The following RSRC1 variants were observed in gnomAD, a reference collection of about 807,000 sequenced individuals.
The protein encoded by RSRC1 is arginine and serine rich coiled-coil 1, also known as serine/Arginine-related protein 53.
RSRC1 carries 39 observed loss-of-function variants against 49.1 expected under a neutral mutation model. That is an observed-to-expected ratio of 0.79 (90% CI 0.61 to 1.04). The LOEUF is 1.04. RSRC1 is among the 50% of genes least tolerant of loss of function. RSRC1 has a pLI of 0.00. For missense variants in RSRC1, 388 were observed against 402.4 expected (o/e 0.96, Z 0.31); for synonymous variants, 143 against 130.8 (o/e 1.09, Z -0.63).
intron 3 of RSRC1, among the ~76,000 whole-genome samples, chr3:158,145,925 CTGTT>C (rs1318522685): frequency 2.0e-5 from 3 of 152,068 alleles, no homozygotes; most frequent in Admixed American, 6.6e-5. Context: ...ATGTGGCTCT[CTGTT>C]TGTCTGTTAT....
At chr3:158,144,137 T>A (rs138620156) in intron 3 of RSRC1, among the ~76,000 whole-genome samples, 2,237 of 152,338 alleles carry the variant, frequency 0.015, 23 homozygotes, top group Middle Eastern at 0.024. Flanking sequence ...AAATTTTTTT[T>A]AAATTATTTT....
At chr3:158,282,623 G>A (rs905447220) in intron 4 of RSRC1, among the ~76,000 whole-genome samples, 7 of 152,174 alleles carry the variant, frequency 4.6e-5, no homozygotes, top group Admixed American at 2.0e-4. Context: ...CCCATTAAAT[G>A]TCAGGAAGGA....
chr3:158,404,168 C>T (rs1434470664), intron 6 of RSRC1, among the ~76,000 whole-genome samples: 1 of 151,786 alleles, frequency 6.6e-6, no homozygotes, highest in Non-Finnish European at 1.5e-5. Context: ...GTCAGAATTT[C>T]ATATTTGTTG....
At chr3:158,130,265 C>G (rs1715927188) in intron 3 of RSRC1, among the ~76,000 whole-genome samples, 1 of 152,190 alleles carries the variant, frequency 6.6e-6, no homozygotes, top group Admixed American at 6.5e-5. Flanking sequence ...CCACCAGACC[C>G]ATCTTCAGAT....
At chr3:158,157,486 C>G (rs1717946516) in intron 3 of RSRC1, among the ~76,000 whole-genome samples, 1 of 152,118 alleles carries the variant, frequency 6.6e-6, no homozygotes, top group Non-Finnish European at 1.5e-5. Flanking sequence ...AGTTAAATGT[C>G]TTTGGTGTTG....
chr3:158,428,018 T>A (rs1735558123), intron 6 of RSRC1, among the ~76,000 whole-genome samples: 1 of 151,860 alleles, frequency 6.6e-6, no homozygotes, highest in Non-Finnish European at 1.5e-5. Flanking sequence ...CTGCTATATT[T>A]CTGTCTATGA....
intron 7 of RSRC1, among the ~76,000 whole-genome samples, chr3:158,508,720 A>G (rs1352909034): frequency 6.6e-6 from 1 of 152,210 alleles, no homozygotes; most frequent in Non-Finnish European, 1.5e-5. Flanking sequence ...CATTGTATAC[A>G]CTACCGCTCA....
intron 5 of RSRC1, among the ~76,000 whole-genome samples, chr3:158,335,378 A>C (rs1047644097): frequency 6.6e-6 from 1 of 152,208 alleles, no homozygotes. Flanking sequence ...GTTGAGAAGT[A>C]GTGAAAGACC....
At chr3:158,529,210 G>A (rs940321866) in intron 7 of RSRC1, among the ~76,000 whole-genome samples, 9 of 102,860 alleles carry the variant, frequency 8.7e-5, no homozygotes, top group African/African-American at 3.4e-4. Context: ...ATGTATGTGT[G>A]TGTGTATATA....
intron 5 of RSRC1, among the ~76,000 whole-genome samples, chr3:158,312,593 A>C (rs10513526): frequency 0.12 from 18,381 of 152,228 alleles, 1,383 homozygotes; most frequent in Middle Eastern, 0.2. Flanking sequence ...TGGATGGATA[A>C]CAGCAGGACA....
chr3:158,221,231 G>T lies in RSRC1; in HGVS notation c.494+17986G>T, dbSNP rs574526430. ...CTATAATAAATAGCAAGAAGAAAGT[G>T]TGCTGCTCTTTTCTTATAAAAGAAA... is the stretch of plus-strand genomic sequence containing the variant. On this transcript the variant is annotated intron_variant, in intron 4 of 9. Coordinates refer to ENST00000611884, the MANE Select transcript of RSRC1 (RefSeq NM_001271838.2). Among the ~76,000 whole-genome samples the T allele has an allele frequency of 2.0e-5, 3 of 151,672 alleles. No individual in the cohort carries two copies. In the South Asian group the frequency reaches 6.2e-4, roughly 31 times the overall value.
chr3:158,472,759 T>C (rs542826956), intron 7 of RSRC1, among the ~76,000 whole-genome samples: 7 of 152,248 alleles, frequency 4.6e-5, no homozygotes, highest in East Asian at 1.9e-4. Context: ...GTCAGATGAG[T>C]AGATTGCAAA....
At chr3:158,198,899 G>T (rs1439241848) in intron 3 of RSRC1, among the ~76,000 whole-genome samples, 1 of 152,110 alleles carries the variant, frequency 6.6e-6, no homozygotes, top group Admixed American at 6.6e-5. Flanking sequence ...CATTAGAGAT[G>T]GACAAGGACA....
rs1321537452 is a variant in RSRC1 at position 158,537,134 on chromosome 3, T to C, written c.695T>C (p.Ile232Thr). ...LVEQVKRVKE[I>T]EAIESDSFVQ... ...GAACAAGTAAAAAGAGTAAAAGAAA[T>C]TGAAGCTATTGAAAGTGATTCTTTT... Residue 232 changes from isoleucine (I) to threonine (T), a missense_variant, in exon 8 of 10, where the codon ATT becomes ACT. By Grantham distance (89) the Ile-to-Thr change is moderately conservative (BLOSUM62 -1). Transcript: ENST00000611884. The C allele has an allele frequency of 1.2e-6, 2 of 1,604,088 alleles. No individual in the cohort carries two copies. Among genetic ancestry groups the C allele is most frequent in the Non-Finnish European group, 1.7e-6 (2 of 1,175,588 alleles).
intron 3 of RSRC1, among the ~76,000 whole-genome samples, chr3:158,197,212 T>C (rs976407626): frequency 7.2e-5 from 11 of 152,348 alleles, no homozygotes; most frequent in Admixed American, 2.0e-4. Flanking sequence ...ATTCAACTTC[T>C]TCCTGGTTTA....
intron 5 of RSRC1, among the ~76,000 whole-genome samples, chr3:158,322,128 C>T (rs911294998): frequency 6.6e-6 from 1 of 152,132 alleles, no homozygotes; most frequent in African/African-American, 2.4e-5. Flanking sequence ...GTATTTCTTG[C>T]TAGGGCAGGT....
chr3:158,301,994 T>TGG (rs1559983615), intron 5 of RSRC1, among the ~76,000 whole-genome samples: 2,471 of 150,266 alleles, frequency 0.016, 54 homozygotes, highest in African/African-American at 0.056. Flanking sequence ...TTTTTTTGTT[T>TGG]TTTTTTTTTG....
At chr3:158,436,201 T>TG (rs1399527038) in intron 6 of RSRC1, among the ~76,000 whole-genome samples, 1 of 151,852 alleles carries the variant, frequency 6.6e-6, no homozygotes, top group African/African-American at 2.4e-5. Flanking sequence ...GGCAGTCTAG[T>TG]GGGGAAGAAA....
At chr3:158,156,367 C>T (rs1717879461) in intron 3 of RSRC1, among the ~76,000 whole-genome samples, 1 of 152,158 alleles carries the variant, frequency 6.6e-6, no homozygotes, top group African/African-American at 2.4e-5. Flanking sequence ...ATCTTCTATT[C>T]AGCCCACTCA....
Sources: allele counts gnomAD v4.1 joint callset (sites outside exome capture counted in the v4.1 genomes callset), GRCh38; gene constraint gnomAD v4.1.1; transcripts MANE v1.5; gene names NCBI Gene and HGNC (gene_info 2026-07-23, HGNC 2026-07-21).